Variants in NCKAP5 observed in about 807,000 individuals in gnomAD.
The protein encoded by NCKAP5 is NCK associated protein 5.
NCKAP5 carries 92 observed loss-of-function variants against 167.0 expected under a neutral mutation model. That is an observed-to-expected ratio of 0.55 (90% CI 0.47 to 0.66). The LOEUF (loss-of-function observed/expected upper bound fraction) is 0.66, where lower values mean the gene tolerates loss of function less well. NCKAP5 is among the 30% of genes least tolerant of loss of function. The probability of loss-of-function intolerance (pLI) is 0.00; values close to 1 mark genes in which losing one functional copy is unlikely to be tolerated. For missense variants in NCKAP5, 2,378 were observed against 2,315.0 expected (o/e 1.03, Z -0.56); for synonymous variants, 891 against 877.4 (o/e 1.02, Z -0.27).
At chr2:133,112,260 G>T (rs1352708451) in intron 6 of NCKAP5, among the ~76,000 whole-genome samples, 1 of 152,080 alleles carries the variant, frequency 6.6e-6, no homozygotes, top group African/African-American at 2.4e-5. Context: ...GGATCACGAG[G>T]TCAGGAGATC....
intron 8 of NCKAP5, among the ~76,000 whole-genome samples, chr2:132,935,361 C>T (rs565276880): frequency 6.6e-6 from 1 of 152,204 alleles, no homozygotes; most frequent in Non-Finnish European, 1.5e-5. Flanking sequence ...CTTCTCTGAA[C>T]ATACGGCAGC....
intron 3 of NCKAP5, among the ~76,000 whole-genome samples, chr2:133,354,294 CTT>C: frequency 7.5e-6 from 1 of 133,476 alleles, no homozygotes; most frequent in Admixed American, 7.5e-5. Context: ...TCTCTCTTTC[CTT>C]TTTTTTTTTG....
At chr2:133,317,820 C>T (rs1681725137) in intron 3 of NCKAP5, among the ~76,000 whole-genome samples, 1 of 152,194 alleles carries the variant, frequency 6.6e-6, no homozygotes, top group Non-Finnish European at 1.5e-5. Context: ...AGGTGCAAAG[C>T]AGGACCCATC....
chr2:132,740,576 A>G (rs921419853), intron 16 of NCKAP5, among the ~76,000 whole-genome samples: 1 of 152,178 alleles, frequency 6.6e-6, no homozygotes, highest in African/African-American at 2.4e-5. Context: ...ATTCACAACC[A>G]TTGGGTAGCT....
intron 2 of NCKAP5, among the ~76,000 whole-genome samples, chr2:133,518,544 C>T (rs185612531): frequency 6.6e-6 from 1 of 151,308 alleles, no homozygotes; most frequent in Non-Finnish European, 1.5e-5. Context: ...TTAGTAGAGA[C>T]AGGGTTTCAC....
intron 5 of NCKAP5, among the ~76,000 whole-genome samples, chr2:133,213,075 A>G (rs188371702): frequency 1.6e-3 from 247 of 152,282 alleles, no homozygotes; most frequent in African/African-American, 5.8e-3. Context: ...CAGTTACTCC[A>G]CGCATGCATT....
At chr2:133,188,613 A>T (rs2085062089) in intron 5 of NCKAP5, among the ~76,000 whole-genome samples, 1 of 152,116 alleles carries the variant, frequency 6.6e-6, no homozygotes, top group South Asian at 2.1e-4. Flanking sequence ...TCAAACTAGA[A>T]CTCAGGATTA....
intron 3 of NCKAP5, among the ~76,000 whole-genome samples, chr2:133,368,516 G>A (rs1276123788): frequency 1.3e-5 from 2 of 152,116 alleles, no homozygotes; most frequent in Non-Finnish European, 2.9e-5. Flanking sequence ...ATTATTAGCG[G>A]TTCACATGTA....
At chr2:132,942,180 T>C (rs1697349992) in intron 8 of NCKAP5, among the ~76,000 whole-genome samples, 1 of 152,230 alleles carries the variant, frequency 6.6e-6, no homozygotes, top group Admixed American at 6.5e-5. Flanking sequence ...TTGCCATCTA[T>C]ATCCAATCTG....
At chr2:133,458,732 G>A (rs929651755) in intron 3 of NCKAP5, among the ~76,000 whole-genome samples, 1 of 152,152 alleles carries the variant, frequency 6.6e-6, no homozygotes, top group Non-Finnish European at 1.5e-5. Flanking sequence ...ACTGCAAGAG[G>A]AGGATCTGGG....
chr2:133,624,703 T>C, the NCKAP5 span, among the ~76,000 whole-genome samples: 2 of 152,236 alleles, frequency 1.3e-5, no homozygotes, highest in Non-Finnish European at 2.9e-5. Context: ...CTCCCTTCAG[T>C]ATTATGATGC....
chr2:133,492,203 G>T lies in NCKAP5; in HGVS notation c.69+25255C>A, dbSNP rs1681525346. On this transcript the variant is annotated intron_variant, in intron 3 of 19. Coordinates refer to ENST00000409261, the MANE Select transcript of NCKAP5 (RefSeq NM_207363.3). Reference sequence around the variant, plus strand: ...TATCTTGTCACCAAAGAAGCTCCCGGTGAAAATACGGGCTTTGGAGTCAAG... The same window carrying T: ...TATCTTGTCACCAAAGAAGCTCCCGTTGAAAATACGGGCTTTGGAGTCAAG... Among the ~76,000 whole-genome samples the T allele has an allele frequency of 2.9e-5, 4 of 138,232 alleles. No individual in the cohort carries two copies. In the Admixed American group the frequency reaches 3.0e-4, roughly 10 times the overall value. 90.7% of individuals were successfully genotyped at this position (138,232 alleles called of 152,430 possible).
intron 3 of NCKAP5, among the ~76,000 whole-genome samples, chr2:133,463,973 T>A (rs1692366934): frequency 6.6e-6 from 1 of 152,184 alleles, no homozygotes. Flanking sequence ...AACCATACAT[T>A]TTGGTGAGCA....
intron 3 of NCKAP5, among the ~76,000 whole-genome samples, chr2:133,393,941 CA>C (rs1574870367): frequency 6.6e-6 from 1 of 152,152 alleles, no homozygotes; most frequent in Admixed American, 6.6e-5. Context: ...GAAACCATGA[CA>C]AAAAATAATG....
chr2:132,717,443 T>A (rs1380498643), intron 19 of NCKAP5, among the ~76,000 whole-genome samples: 1 of 152,230 alleles, frequency 6.6e-6, no homozygotes, highest in East Asian at 1.9e-4. Context: ...GCCAGATGAA[T>A]GCTTTAAAAT....
chr2:133,440,185 T>C (rs1308352211), intron 3 of NCKAP5, among the ~76,000 whole-genome samples: 3 of 152,204 alleles, frequency 2.0e-5, no homozygotes, highest in Non-Finnish European at 4.4e-5. Flanking sequence ...AGTTGGTGTG[T>C]GTGTTTGGGA....
intron 3 of NCKAP5, among the ~76,000 whole-genome samples, chr2:133,369,201 A>G (rs1266891577): frequency 6.6e-6 from 1 of 152,240 alleles, no homozygotes; most frequent in Non-Finnish European, 1.5e-5. Context: ...CTTAAACTGC[A>G]TGAATGTTCC....
At chr2:132,866,800 T>G (rs1690391650) in intron 10 of NCKAP5, among the ~76,000 whole-genome samples, 1 of 152,186 alleles carries the variant, frequency 6.6e-6, no homozygotes, top group Middle Eastern at 3.2e-3. Flanking sequence ...TTCTGTTTTG[T>G]CTTTGCTACC....
At chr2:132,849,192 C>G (rs79122712) in intron 11 of NCKAP5, among the ~76,000 whole-genome samples, 4,325 of 152,114 alleles carry the variant, frequency 0.028, 198 homozygotes, top group African/African-American at 0.1. Context: ...GGGAGAAAAC[C>G]TACTGTCTTT....
Sources: gnomAD v4.1 joint callset for allele counts (sites outside exome capture counted in the v4.1 genomes callset) on GRCh38, gnomAD v4.1.1 for gene constraint, MANE v1.5 for transcripts, NCBI Gene and HGNC (gene_info 2026-07-23, HGNC 2026-07-21) for gene names.